The following GRIA1 variants were observed in gnomAD, a reference collection of about 807,000 sequenced individuals.
The protein encoded by GRIA1 is glutamate receptor 1.
A neutral mutation model predicts 99.2 loss-of-function variants in GRIA1; 31 were observed. The observed-to-expected ratio is 0.31, with a 90% confidence interval of 0.23 to 0.42. The LOEUF (loss-of-function observed/expected upper bound fraction) is 0.42, where lower values mean the gene tolerates loss of function less well. Ranked by LOEUF, GRIA1 falls within the 10% of genes least tolerant of loss-of-function variation. The pLI, the probability that GRIA1 is intolerant of heterozygous loss-of-function variation, is 1.00. For synonymous variants in GRIA1, 438 were observed against 432.4 expected (o/e 1.01, Z -0.16); for missense variants, 782 against 1,157.5 (o/e 0.68, Z 4.71).
Position 153,733,441 on chromosome 5 carries a change from A to G in GRIA1, c.1823+27374A>G, listed in dbSNP as rs76889683. Among the ~76,000 whole-genome samples, 35 of 152,284 alleles carry G rather than the reference A, an allele frequency of 2.3e-4. No homozygotes were observed. The East Asian group carries it at 6.0e-3, about 26-fold the overall frequency. On this transcript the variant is annotated intron_variant, in intron 11 of 15. Transcript: ENST00000285900. ...AGAAAATCATCAAATCACAAAGAGA[A>G]GAAGAAAGAAAGGGACTACAAAACA...
At chr5:153,624,387 C>A (rs2149426549) in intron 2 of GRIA1, among the ~76,000 whole-genome samples, 1 of 152,286 alleles carries the variant, frequency 6.6e-6, no homozygotes, top group East Asian at 1.9e-4. Flanking sequence ...GCAGTCACCG[C>A]CCAAGGGCTG....
intron 11 of GRIA1, among the ~76,000 whole-genome samples, chr5:153,715,800 T>G (rs149539545): frequency 1.8e-4 from 27 of 152,300 alleles, no homozygotes; most frequent in Admixed American, 3.9e-4. Context: ...TGAGGGGTTG[T>G]ATGTTCTAAA....
chr5:153,765,445 T>C (rs1763457059), intron 12 of GRIA1, among the ~76,000 whole-genome samples: 1 of 152,112 alleles, frequency 6.6e-6, no homozygotes. Context: ...AATGCAAACC[T>C]TTGGGAGTCA....
intron 2 of GRIA1, among the ~76,000 whole-genome samples, chr5:153,591,147 C>T (rs907057598): frequency 2.0e-5 from 3 of 152,178 alleles, no homozygotes; most frequent in Non-Finnish European, 4.4e-5. Context: ...TCAGCTAGAT[C>T]ATCCTTGTCT....
At chr5:153,789,201 TTG>T (rs1380277609) in intron 13 of GRIA1, among the ~76,000 whole-genome samples, 4 of 152,110 alleles carry the variant, frequency 2.6e-5, no homozygotes, top group Non-Finnish European at 4.4e-5. Context: ...CAGTTTGTTA[TTG>T]TTTCTTAAAA....
chr5:153,751,066 C>T (rs943515890), intron 11 of GRIA1, among the ~76,000 whole-genome samples: 1 of 152,200 alleles, frequency 6.6e-6, no homozygotes. Flanking sequence ...CGCCACTGCA[C>T]TCCAGCCTGG....
In GRIA1 at chr5:153,811,030, T is replaced by G; in HGVS notation, c.2526T>G (p.Phe842Leu). The G allele has an allele frequency of 6.2e-7, 1 of 1,613,942 alleles. No individual in the cohort carries two copies. Among genetic ancestry groups the G allele is most frequent in the Non-Finnish European group, 8.5e-7 (1 of 1,179,810 alleles). The change falls in exon 16 of 16, where the codon TTT becomes TTG. Residue 842 changes from phenylalanine (F) to leucine (L), a missense_variant. This residue lies in a region of GRIA1 where 119 missense variants were observed against 326.6 expected (regional missense o/e 0.36). Coordinates refer to ENST00000285900, the MANE Select transcript of GRIA1 (RefSeq NM_000827.4). ...CCCCCGGTCCTCCTGAAAAGGGTTT[T>G]TGTTTGATCCCACAGCAATCCATCA... ...SRSESKRMKG[F>L]CLIPQQSINE...
chr5:153,754,307 G>C (rs1350401224), intron 11 of GRIA1, among the ~76,000 whole-genome samples: 1 of 152,182 alleles, frequency 6.6e-6, no homozygotes, highest in Non-Finnish European at 1.5e-5. Flanking sequence ...GAAGCATTGG[G>C]ATTAAGTCAG....
At chr5:153,730,979 G>A (rs1332408701) in intron 11 of GRIA1, among the ~76,000 whole-genome samples, 1 of 152,070 alleles carries the variant, frequency 6.6e-6, no homozygotes, top group Non-Finnish European at 1.5e-5. Flanking sequence ...TGTCAGTCAT[G>A]AGGTTAGACT....
chr5:153,728,151 A>C (rs1046572981), intron 11 of GRIA1, among the ~76,000 whole-genome samples: 2 of 152,128 alleles, frequency 1.3e-5, no homozygotes, highest in Non-Finnish European at 2.9e-5. Context: ...CCTATTTAAT[A>C]AATGGTGCTG....
chr5:153,541,718 T>C (rs1759110827), intron 2 of GRIA1, among the ~76,000 whole-genome samples: 1 of 150,870 alleles, frequency 6.6e-6, no homozygotes, highest in Non-Finnish European at 1.5e-5. Flanking sequence ...GATCAAGAGG[T>C]CAAGAGATTG....
intron 2 of GRIA1, among the ~76,000 whole-genome samples, chr5:153,615,714 G>T (rs1003945997): frequency 1.4e-4 from 21 of 152,190 alleles, no homozygotes; most frequent in Admixed American, 1.3e-4. Flanking sequence ...TTGTCCAGGG[G>T]CTCTGCCATG....
At chr5:153,582,317 C>T (rs1258291539) in intron 2 of GRIA1, among the ~76,000 whole-genome samples, 1 of 152,104 alleles carries the variant, frequency 6.6e-6, no homozygotes, top group Non-Finnish European at 1.5e-5. Flanking sequence ...TTCATGGATC[C>T]CTAGAAAGTC....
intron 2 of GRIA1, among the ~76,000 whole-genome samples, chr5:153,573,897 A>G (rs1337515687): frequency 6.6e-6 from 1 of 152,124 alleles, no homozygotes; most frequent in African/African-American, 2.4e-5. Flanking sequence ...CTGTGAGTCT[A>G]TAACTGAAGC....
At chr5:153,585,958 G>A (rs1005421880) in intron 2 of GRIA1, among the ~76,000 whole-genome samples, 3 of 152,118 alleles carry the variant, frequency 2.0e-5, no homozygotes, top group South Asian at 2.1e-4. Context: ...TGAGGAGGGG[G>A]AGTGTGGTGA....
rs147983708 is a variant in GRIA1, at chr5:153,713,963, C to T, written c.1823+7896C>T. On this transcript the variant is annotated intron_variant, in intron 11 of 15. Transcript: ENST00000285900. ...CTCCTACTCTCCTGGAGCTTGCATT[C>T]CAGAGAGAAGAGGCAGGCAATAAAT... Among the ~76,000 whole-genome samples the T allele has an allele frequency of 3.7e-3, 570 of 152,206 alleles. 2 individuals carry two copies. The highest frequency in any genetic ancestry group is 0.013 in the African/African-American group (530 of 41,510).
intron 2 of GRIA1, among the ~76,000 whole-genome samples, chr5:153,573,660 T>C (rs60597774): frequency 0.097 from 14,692 of 152,122 alleles, 780 homozygotes; most frequent in South Asian, 0.19. Context: ...TGTAAACATA[T>C]TTGGAGGACC....
chr5:153,557,984 C>T (rs1257022029), intron 2 of GRIA1: 1 of 152,174 alleles, frequency 6.6e-6, no homozygotes, highest in African/African-American at 2.4e-5. Context: ...AAACCAGTTA[C>T]ATAACTGCTT....
intron 2 of GRIA1, among the ~76,000 whole-genome samples, chr5:153,520,658 C>T (rs974669411): frequency 2.6e-5 from 4 of 152,112 alleles, no homozygotes; most frequent in African/African-American, 9.7e-5. Context: ...CTCCATAGTT[C>T]TGTTCCTTAC....
Sources: gnomAD v4.1 joint callset for allele counts (sites outside exome capture counted in the v4.1 genomes callset) on GRCh38, gnomAD v4.1.1 for gene constraint, gnomAD v4.1.1 regional missense constraint, MANE v1.5 for transcripts, NCBI Gene and HGNC (gene_info 2026-07-23, HGNC 2026-07-21) for gene names.